The following FTO variants were observed in gnomAD, a reference collection of about 807,000 sequenced individuals.
FTO encodes the protein FTO alpha-ketoglutarate dependent dioxygenase.
Under a neutral mutation model 63.9 loss-of-function variants are expected in FTO, and 47 were observed. That is an observed-to-expected ratio of 0.74 (90% confidence interval 0.58 to 0.94). The LOEUF is 0.94. FTO is among the 40% of genes least tolerant of loss of function. The pLI is 0.00. For missense variants in FTO, 562 were observed against 618.1 expected, an observed-to-expected ratio of 0.91 and a Z score of 0.96; for synonymous variants, 207 against 224.4, an observed-to-expected ratio of 0.92 and a Z score of 0.69.
chr16:53,982,303 C>T (rs1291780766), intron 8 of FTO, among the ~76,000 whole-genome samples: 2 of 152,092 alleles, frequency 1.3e-5, no homozygotes, highest in Non-Finnish European at 2.9e-5. Context: ...TTTGTCTGCC[C>T]ATGTTTGTGA....
At chr16:54,048,256 GAAAAAAAAAAA>G (rs111381976) in intron 8 of FTO, among the ~76,000 whole-genome samples, 1 of 134,024 alleles carries the variant, frequency 7.5e-6, no homozygotes, top group Non-Finnish European at 1.6e-5. Context: ...AAAAATACTT[GAAAAAAAAAAA>G]AAAAAAGAAG....
chr16:54,083,880 T>C (rs1386639993), intron 8 of FTO, among the ~76,000 whole-genome samples: 10 of 152,138 alleles, frequency 6.6e-5, no homozygotes, highest in African/African-American at 2.4e-4. Flanking sequence ...GAGTTTGGGG[T>C]AGTGCTTTTG....
chr16:53,813,477 G>T (rs2078591130), intron 2 of FTO, among the ~76,000 whole-genome samples: 1 of 152,148 alleles, frequency 6.6e-6, no homozygotes, highest in South Asian at 2.1e-4. Flanking sequence ...CTCCCAAAGT[G>T]CTGGGATTAG....
chr16:53,821,450 C>T (rs1202421018), intron 2 of FTO, among the ~76,000 whole-genome samples: 1 of 152,176 alleles, frequency 6.6e-6, no homozygotes, highest in Non-Finnish European at 1.5e-5. Flanking sequence ...TCTCTGCTTA[C>T]AGGATTGCAT....
At chr16:53,946,035 G>T (rs1178337803) in intron 8 of FTO, among the ~76,000 whole-genome samples, 1 of 152,180 alleles carries the variant, frequency 6.6e-6, no homozygotes, top group Non-Finnish European at 1.5e-5. Context: ...ATAGATAAAA[G>T]TTTAACTCTG....
chr16:53,724,399 A>G (rs1264462342), intron 1 of FTO, among the ~76,000 whole-genome samples: 1 of 152,262 alleles, frequency 6.6e-6, no homozygotes, highest in East Asian at 1.9e-4. Flanking sequence ...GTTTGAGACC[A>G]GTCTATAGTG....
chr16:53,907,777 T>C (rs1393354564), intron 7 of FTO, among the ~76,000 whole-genome samples: 1 of 152,202 alleles, frequency 6.6e-6, no homozygotes, highest in Admixed American at 6.5e-5. Flanking sequence ...CTGGAATGTC[T>C]TCTCTCACCA....
intron 8 of FTO, among the ~76,000 whole-genome samples, chr16:54,091,564 G>C (rs763403581): frequency 4.6e-5 from 7 of 152,152 alleles, no homozygotes; most frequent in Non-Finnish European, 1.0e-4. Flanking sequence ...AAAGAAATCA[G>C]GGTACATGCA....
At chr16:53,781,619 G>A (rs2077590863) in intron 1 of FTO, among the ~76,000 whole-genome samples, 1 of 152,118 alleles carries the variant, frequency 6.6e-6, no homozygotes, top group African/African-American at 2.4e-5. Flanking sequence ...CCCTAGTTTG[G>A]GCTCTTGTAC....
chr16:53,821,098 T>A (rs905307540), intron 2 of FTO, among the ~76,000 whole-genome samples: 10 of 152,202 alleles, frequency 6.6e-5, no homozygotes, highest in African/African-American at 1.9e-4. Flanking sequence ...TCTTATGCAG[T>A]GTTGAGACCC....
intron 7 of FTO, among the ~76,000 whole-genome samples, chr16:53,924,566 G>A (rs777901768): frequency 1.6e-4 from 25 of 151,828 alleles, no homozygotes; most frequent in Admixed American, 3.3e-4. Flanking sequence ...TCAAGACAGT[G>A]GAGTTTATCT....
At chr16:54,006,842 A>C (rs564574382) in intron 8 of FTO, among the ~76,000 whole-genome samples, 75 of 152,332 alleles carry the variant, frequency 4.9e-4, no homozygotes, top group African/African-American at 1.8e-3. Context: ...GAGTATGTGT[A>C]ATGCAAGCCC....
intron 1 of FTO, among the ~76,000 whole-genome samples, chr16:53,793,731 A>AAAAC (rs144672139): frequency 8.5e-5 from 13 of 152,064 alleles, no homozygotes; most frequent in Admixed American, 3.3e-4. Flanking sequence ...ACTCCGTCTC[A>AAAAC]AAACAAACAA....
intron 7 of FTO, among the ~76,000 whole-genome samples, chr16:53,922,666 G>T (rs2151957483): frequency 6.6e-6 from 1 of 152,322 alleles, no homozygotes; most frequent in Admixed American, 6.5e-5. Flanking sequence ...AGCCTGCAAA[G>T]ATCTTAGTAG....
At chr16:53,706,357 A>T (rs1186059775) in intron 1 of FTO, among the ~76,000 whole-genome samples, 1 of 152,188 alleles carries the variant, frequency 6.6e-6, no homozygotes, top group African/African-American at 2.4e-5. Flanking sequence ...AAATGTATAT[A>T]CCTGCAAAAC....
At chr16:54,084,870 G>A (rs943883334) in intron 8 of FTO, among the ~76,000 whole-genome samples, 1 of 152,160 alleles carries the variant, frequency 6.6e-6, no homozygotes, top group African/African-American at 2.4e-5. Flanking sequence ...ATTTGCATAT[G>A]TCCTCTGTAC....
In FTO at chr16:53,817,903, A is replaced by G. The variant is rs571642956; in HGVS notation, c.123+7686A>G. ...TAATCATCATTTATGCCACAGGATC[A>G]TTTGTGAATCTCAAGAAATACAGTA... On this transcript the variant is annotated intron_variant, in intron 2 of 8. Transcript: ENST00000471389. 3.3e-5 allele frequency among the ~76,000 whole-genome samples: 5 copies of G among 152,324 alleles called. No individual in the cohort carries two copies. In the South Asian group the frequency reaches 1.0e-3, roughly 32 times the overall value.
intron 8 of FTO, chr16:54,000,043 G>A (rs1372378130): frequency 2.6e-5 from 4 of 152,208 alleles, no homozygotes; most frequent in Admixed American, 2.6e-4. Flanking sequence ...TGCTGAATAA[G>A]AGAACAGGAA....
intron 4 of FTO, among the ~76,000 whole-genome samples, chr16:53,848,385 A>G (rs1567356777): frequency 6.6e-6 from 1 of 152,148 alleles, no homozygotes; most frequent in Non-Finnish European, 1.5e-5. Context: ...CTGATGGGGA[A>G]CGTGTCGGGT....
Sources: allele counts gnomAD v4.1 joint callset (sites outside exome capture counted in the v4.1 genomes callset), GRCh38; gene constraint gnomAD v4.1.1; transcripts MANE v1.5; gene names NCBI Gene and HGNC (gene_info 2026-07-23, HGNC 2026-07-21).